RBM20: variants seen among roughly 807,000 people sequenced by gnomAD.
RBM20 encodes the protein RNA-binding protein 20.
RBM20 carries 51 observed loss-of-function variants against 110.1 expected under a neutral mutation model. The observed-to-expected ratio is 0.46, with a 90% CI of 0.37 to 0.59. The LOEUF is 0.59. RBM20 is among the 20% of genes least tolerant of loss of function. The pLI, the probability that RBM20 is intolerant of heterozygous loss-of-function variation, is 0.00. For synonymous variants in RBM20, 589 were observed against 618.2 expected, an observed-to-expected ratio of 0.95 and a Z score of 0.70; for missense variants, 1,512 against 1,574.9, an observed-to-expected ratio of 0.96 and a Z score of 0.68.
chr10:110,804,152 G>A (rs1844667062), intron 7 of RBM20, among the ~76,000 whole-genome samples: 1 of 152,208 alleles, frequency 6.6e-6, no homozygotes, highest in Non-Finnish European at 1.5e-5. Flanking sequence ...GAGTCGCTCT[G>A]ACTGGACTAG....
chr10:110,807,959 G>A (rs1024955530), intron 7 of RBM20, among the ~76,000 whole-genome samples: 2 of 152,240 alleles, frequency 1.3e-5, no homozygotes, highest in African/African-American at 4.8e-5. Context: ...CAGATCTCAT[G>A]TCATGGTCTT....
chr10:110,756,252 C>G (rs1843919305), intron 1 of RBM20, among the ~76,000 whole-genome samples: 1 of 152,206 alleles, frequency 6.6e-6, no homozygotes, highest in Non-Finnish European at 1.5e-5. Context: ...ATGGAAACCT[C>G]TGATGCTATA....
At chr10:110,740,128 G>C (rs1462358950) in intron 1 of RBM20, among the ~76,000 whole-genome samples, 1 of 152,266 alleles carries the variant, frequency 6.6e-6, no homozygotes, top group African/African-American at 2.4e-5. Context: ...AGTCTAGTTG[G>C]AGGCCCCAGG....
At chr10:110,807,022 A>G (rs1844703465) in intron 7 of RBM20, among the ~76,000 whole-genome samples, 1 of 152,162 alleles carries the variant, frequency 6.6e-6, no homozygotes, top group African/African-American at 2.4e-5. Flanking sequence ...TGCAATTACC[A>G]CCTAAAATAG....
In RBM20 at chr10:110,823,624, A is replaced by G; in HGVS notation, c.3451+10A>G. ...CTTAGCATTCCTCTAGGTAAGCAAA[A>G]CACACAGTCTTTCCTGAAATTCAGG... is the stretch of plus-strand genomic sequence containing the variant. On this transcript the variant is annotated intron_variant, in intron 12 of 13. Transcript: ENST00000369519. The G allele has an allele frequency of 6.4e-7, 1 of 1,550,942 alleles. No individual in the cohort carries two copies. The highest frequency in any genetic ancestry group is 8.7e-7 in the Non-Finnish European group (1 of 1,146,722).
At position 110,781,078 on chromosome 10, in the gene RBM20, G is replaced by A. The variant is rs762597597; in HGVS notation, c.469G>A (p.Ala157Thr). ...CCATGCTGGGGTTCCCCAACATGCTGCAGCCATACCCAGTACCCGGTTTCC... is the reference window on the plus strand; with the variant it reads ...CCATGCTGGGGTTCCCCAACATGCTACAGCCATACCCAGTACCCGGTTTCC... ...HGHAGVPQHA[A>T]AIPSTRFPSN... Residue 157 changes from alanine (A) to threonine (T), a missense_variant, in exon 2 of 14, where the codon GCA (alanine) becomes ACA (threonine). Transcript: ENST00000369519. 3 of 1,551,714 alleles carry A rather than the reference G, an allele frequency of 1.9e-6. No homozygotes were observed. Among genetic ancestry groups the A allele is most frequent in the Non-Finnish European group, 2.6e-6 (3 of 1,147,024 alleles).
At chr10:110,711,244 T>A (rs1461395036) in intron 1 of RBM20, among the ~76,000 whole-genome samples, 1 of 143,740 alleles carries the variant, frequency 7.0e-6, no homozygotes, top group Non-Finnish European at 1.5e-5. Flanking sequence ...ATAGGAGAAT[T>A]GCTTGAACCT....
At chr10:110,674,689 T>G (rs1453219895) in intron 1 of RBM20, among the ~76,000 whole-genome samples, 1 of 152,252 alleles carries the variant, frequency 6.6e-6, no homozygotes, top group East Asian at 1.9e-4. Flanking sequence ...TGATCACTGC[T>G]TAAGTCTTCA....
intron 1 of RBM20, among the ~76,000 whole-genome samples, chr10:110,775,466 G>A (rs1413861299): frequency 2.0e-5 from 3 of 152,140 alleles, no homozygotes; most frequent in Non-Finnish European, 2.9e-5. Context: ...ATACATCTAC[G>A]CACATTCACT....
At chr10:110,777,183 T>C (rs1378929597) in intron 1 of RBM20, among the ~76,000 whole-genome samples, 1 of 152,208 alleles carries the variant, frequency 6.6e-6, no homozygotes, top group Non-Finnish European at 1.5e-5. Context: ...GTGGAACTTA[T>C]GTCTGGTGGA....
intron 1 of RBM20, among the ~76,000 whole-genome samples, chr10:110,661,916 C>T (rs1187399622): frequency 6.6e-6 from 1 of 151,338 alleles, no homozygotes; most frequent in East Asian, 1.9e-4. Flanking sequence ...GAGGCTGAGG[C>T]AGGAGAATCG....
chr10:110,780,760 T>C (rs565220046), intron 1 of RBM20, 41 bp from the exon 2 acceptor site: 4 of 1,469,986 alleles, frequency 2.7e-6, no homozygotes, highest in African/African-American at 2.8e-5. Context: ...GCCCCCCTCA[T>C]TGAAAACCAG....
At chr10:110,777,757 C>G (rs1844286450) in intron 1 of RBM20, among the ~76,000 whole-genome samples, 1 of 152,176 alleles carries the variant, frequency 6.6e-6, no homozygotes. Context: ...CTACTAAGAG[C>G]TCCCTCCTGC....
At chr10:110,748,718 TACTC>T (rs1843816244) in intron 1 of RBM20, among the ~76,000 whole-genome samples, 1 of 152,176 alleles carries the variant, frequency 6.6e-6, no homozygotes, top group African/African-American at 2.4e-5. Flanking sequence ...TGTGACAAAA[TACTC>T]ATACCACAAA....
chr10:110,667,223 A>C (rs1862191673), intron 1 of RBM20, among the ~76,000 whole-genome samples: 1 of 152,222 alleles, frequency 6.6e-6, no homozygotes, highest in Admixed American at 6.5e-5. Flanking sequence ...TGCATTCACC[A>C]AGATCCTAAG....
At chr10:110,826,812 T>C (rs1844987730) in intron 12 of RBM20, among the ~76,000 whole-genome samples, 1 of 151,984 alleles carries the variant, frequency 6.6e-6, no homozygotes, top group Non-Finnish European at 1.5e-5. Context: ...GTTGGGGTCT[T>C]GAACTCCTGA....
chr10:110,691,534 G>A (rs1862585706), intron 1 of RBM20, among the ~76,000 whole-genome samples: 1 of 152,202 alleles, frequency 6.6e-6, no homozygotes, highest in Non-Finnish European at 1.5e-5. Flanking sequence ...GACCAATGAG[G>A]TTGAGCATCT....
intron 1 of RBM20, among the ~76,000 whole-genome samples, chr10:110,758,941 T>C (rs527816315): frequency 4.6e-5 from 7 of 152,314 alleles, no homozygotes; most frequent in African/African-American, 1.4e-4. Context: ...CTGGAAAATT[T>C]AATGATGTTT....
At position 110,739,086 on chromosome 10, in the gene RBM20, G is replaced by A. The variant is rs883316; in HGVS notation, c.192-41715G>A. Among the ~76,000 whole-genome samples the A allele has an allele frequency of 0.013, 1,972 of 152,252 alleles. 37 individuals are homozygous for A. Among genetic ancestry groups the A allele is most frequent in the African/African-American group, 0.043 (1,790 of 41,534 alleles). ...TCTGGACAGTCAGGAAGTACCTGTC[G>A]CAGGTGGCATTTTCTGGCTGGGCAC... On this transcript the variant is annotated intron_variant, in intron 1 of 13. Coordinates refer to ENST00000369519, the MANE Select transcript of RBM20 (RefSeq NM_001134363.3). The surrounding 1 kb of genome is among the most constrained non-coding windows in gnomAD (Gnocchi z 4.1).
Sources: gnomAD v4.1 joint callset for allele counts (sites outside exome capture counted in the v4.1 genomes callset) on GRCh38, gnomAD v4.1.1 for gene constraint, Gnocchi (gnomAD v3.1) non-coding constraint, MANE v1.5 for transcripts, NCBI Gene and HGNC (gene_info 2026-07-23, HGNC 2026-07-21) for gene names.